AK8: variants seen among roughly 807,000 people sequenced by gnomAD.
AK8 encodes adenylate kinase 8.
Under a neutral mutation model 54.6 loss-of-function variants are expected in AK8, and 44 were observed. The observed-to-expected ratio is 0.81, with a 90% CI of 0.63 to 1.04. The LOEUF (loss-of-function observed/expected upper bound fraction) is 1.04, where lower values mean the gene tolerates loss of function less well. AK8 is among the 50% of genes least tolerant of loss of function. AK8 has a pLI of 0.00. For missense variants in AK8, 555 were observed against 613.6 expected (o/e 0.90, Z 1.01); for synonymous variants, 239 against 245.6 (o/e 0.97, Z 0.25).
Position 132,847,391 on chromosome 9 carries a change from G to T in AK8, c.402+7466C>A, listed in dbSNP as rs776704746. 2.3e-4 allele frequency among the ~76,000 whole-genome samples: 35 copies of T among 152,196 alleles called. 1 individual carries two copies. The highest frequency in any genetic ancestry group is 1.5e-5 in the Non-Finnish European group (1 of 68,042). On this transcript the variant is annotated intron_variant, in intron 5 of 12. Coordinates refer to ENST00000298545, the MANE Select transcript of AK8 (RefSeq NM_152572.3). ...TGAGTATGCCACATTTTTTAGGTGC[G>T]TGTTATTCCTGAGGATATGAACTAC... is the stretch of plus-strand genomic sequence containing the variant.
chr9:132,792,619 G>A lies in AK8; in HGVS notation c.1121+15C>T. 6.5e-7 allele frequency: 1 copy of A among 1,548,766 alleles called. No individual in the cohort carries two copies. Among genetic ancestry groups the A allele is most frequent in the Non-Finnish European group, 8.7e-7 (1 of 1,146,178 alleles). ...GGGCTTGGCCAGGGCTGCTGGCTTGGCTGGGGCAGCTCACCTGTTGGGATT... is the reference window on the plus strand; with the variant it reads ...GGGCTTGGCCAGGGCTGCTGGCTTGACTGGGGCAGCTCACCTGTTGGGATT... On this transcript the variant is annotated intron_variant, in intron 11 of 12. Transcript: ENST00000298545.
intron 11 of AK8, among the ~76,000 whole-genome samples, chr9:132,762,271 C>A (rs533531254): frequency 1.3e-5 from 2 of 152,126 alleles, no homozygotes; most frequent in Non-Finnish European, 2.9e-5. Flanking sequence ...TTAACTATTC[C>A]ATTGGTTTCT....
At chr9:132,786,891 A>G (rs1184226259) in intron 11 of AK8, among the ~76,000 whole-genome samples, 1 of 152,310 alleles carries the variant, frequency 6.6e-6, no homozygotes, top group African/African-American at 2.4e-5. Flanking sequence ...TGTCATTAAC[A>G]TTTTCAAGAG....
chr9:132,878,416 C>T, upstream of AK8: 1 of 1,236,120 alleles, frequency 8.1e-7, no homozygotes, highest in Non-Finnish European at 1.0e-6. The surrounding 1 kb of genome is among the most constrained non-coding windows in gnomAD (Gnocchi z 4.7). Flanking sequence ...ACCTCCCCGG[C>T]TGACGCGCTC....
intron 5 of AK8, among the ~76,000 whole-genome samples, chr9:132,846,851 G>C (rs2131361140): frequency 6.6e-6 from 1 of 152,326 alleles, no homozygotes. Flanking sequence ...GCGTGCCTCA[G>C]GCCCTGCAGC....
At chr9:132,878,346 G>A (rs1444103160), upstream of AK8, 1 of 1,268,636 alleles carries the variant, frequency 7.9e-7, no homozygotes, top group African/African-American at 1.5e-5. The surrounding 1 kb of genome is among the most constrained non-coding windows in gnomAD (Gnocchi z 4.7). Context: ...GCCCCGCCCT[G>A]CAGGCTCCGC....
intron 10 of AK8, among the ~76,000 whole-genome samples, chr9:132,813,003 C>T (rs1240572152): frequency 1.4e-5 from 2 of 144,034 alleles, no homozygotes; most frequent in East Asian, 4.0e-4. Context: ...ACCAGACCCG[C>T]TCACTGCCCT....
At chr9:132,726,012 T>G (rs2130922620) in intron 12 of AK8, 87 bp from the exon 13 acceptor site, 1 of 1,238,634 alleles carries the variant, frequency 8.1e-7, no homozygotes, top group South Asian at 1.4e-5. Flanking sequence ...GTGGACCAAT[T>G]TGGGGTGTCC....
intron 5 of AK8, among the ~76,000 whole-genome samples, chr9:132,839,867 G>C (rs1842470002): frequency 6.7e-6 from 1 of 148,782 alleles, no homozygotes; most frequent in African/African-American, 2.5e-5. Context: ...ACCCAGGCTA[G>C]AGTGCAGTGG....
At chr9:132,816,465 A>G (rs1841335029) in intron 9 of AK8, among the ~76,000 whole-genome samples, 1 of 152,196 alleles carries the variant, frequency 6.6e-6, no homozygotes, top group South Asian at 2.1e-4. Flanking sequence ...TGGTCCTCAC[A>G]ATAACCTGCT....
chr9:132,770,120 C>G lies in AK8; in HGVS notation c.1121+22514G>C, dbSNP rs968183991. 6.6e-6 allele frequency: 1 copy of G among 152,266 alleles called. No homozygotes were observed. Among genetic ancestry groups the G allele is most frequent in the African/African-American group, 2.4e-5 (1 of 41,456 alleles). 9.4% of individuals were successfully genotyped at this position (152,266 alleles called of 1,614,324 possible). ...GCGATCCATTGTCACAGCCCACTGT[C>G]CCCACCCATCGTGGGGACCGGGCTA... On this transcript the variant is annotated intron_variant, in intron 11 of 12. Coordinates refer to ENST00000298545, the MANE Select transcript of AK8 (RefSeq NM_152572.3). The surrounding 1 kb of genome is among the most constrained non-coding windows in gnomAD (Gnocchi z 4.3).
chr9:132,815,779 C>A (rs557026600), intron 9 of AK8, among the ~76,000 whole-genome samples: 1 of 152,302 alleles, frequency 6.6e-6, no homozygotes, highest in East Asian at 1.9e-4. Flanking sequence ...TCCTTCCTAG[C>A]CAAAGCCAGA....
chr9:132,793,677 G>C (rs1212985453), intron 10 of AK8, among the ~76,000 whole-genome samples: 1 of 152,216 alleles, frequency 6.6e-6, no homozygotes, highest in African/African-American at 2.4e-5. Context: ...TGCGGCAATT[G>C]ACATTTTCCT....
intron 2 of AK8, among the ~76,000 whole-genome samples, chr9:132,869,287 C>T (rs945496224): frequency 6.6e-6 from 1 of 152,210 alleles, no homozygotes; most frequent in Admixed American, 6.5e-5. Context: ...CAGGGCTACC[C>T]CACAGGAACA....
chr9:132,873,225 A>C (rs146396632), intron 2 of AK8, among the ~76,000 whole-genome samples: 60 of 152,362 alleles, frequency 3.9e-4, no homozygotes, highest in African/African-American at 1.4e-3. Context: ...ACTAGACGTC[A>C]TATTCCTGGA....
At chr9:132,769,398 G>A (rs1012706873) in intron 11 of AK8, 2 of 152,236 alleles carry the variant, frequency 1.3e-5, no homozygotes, top group Admixed American at 6.5e-5. Flanking sequence ...TGGGGAAAGT[G>A]GGGGCCTCTC....
intron 11 of AK8, among the ~76,000 whole-genome samples, chr9:132,777,036 A>G (rs1839250536): frequency 6.6e-6 from 1 of 152,054 alleles, no homozygotes; most frequent in Non-Finnish European, 1.5e-5. Flanking sequence ...TTGCAAGATC[A>G]TCCTCCTGCC....
chr9:132,834,938 C>T (rs1842257648), intron 5 of AK8, among the ~76,000 whole-genome samples: 2 of 151,614 alleles, frequency 1.3e-5, no homozygotes, highest in African/African-American at 4.9e-5. Flanking sequence ...GGCATGATCT[C>T]GGCTCACTGC....
intron 11 of AK8, among the ~76,000 whole-genome samples, chr9:132,754,233 C>T (rs889712122): frequency 6.6e-6 from 1 of 152,202 alleles, no homozygotes; most frequent in Admixed American, 6.5e-5. Context: ...TCTGAAGTAC[C>T]TCCGCCACAA....
Sources: gnomAD v4.1 joint callset for allele counts (sites outside exome capture counted in the v4.1 genomes callset) on GRCh38, gnomAD v4.1.1 for gene constraint, Gnocchi (gnomAD v3.1) non-coding constraint, MANE v1.5 for transcripts, NCBI Gene and HGNC (gene_info 2026-07-23, HGNC 2026-07-21) for gene names.